Variants in CDH12 observed in about 807,000 individuals in gnomAD.
CDH12 encodes the protein cadherin-12.
A neutral mutation model predicts 74.1 loss-of-function variants in CDH12; 41 were observed. The ratio of observed to expected loss-of-function variants is 0.55; its 90% CI spans 0.43 to 0.72. The LOEUF is 0.72. CDH12 is among the 30% of genes least tolerant of loss of function. The probability of loss-of-function intolerance (pLI) is 0.00; values close to 1 mark genes in which losing one functional copy is unlikely to be tolerated. For missense variants in CDH12, 945 were observed against 977.2 expected (o/e 0.97, Z 0.44); for synonymous variants, 399 against 355.0 (o/e 1.12, Z -1.39).
intron 4 of CDH12, among the ~76,000 whole-genome samples, chr5:22,174,136 G>A (rs1749201702): frequency 6.6e-6 from 1 of 151,890 alleles, no homozygotes; most frequent in Non-Finnish European, 1.5e-5. Context: ...TAGATGACAA[G>A]GTTGATGTAA....
At chr5:22,404,516 T>C (rs950733094) in intron 3 of CDH12, among the ~76,000 whole-genome samples, 4 of 152,194 alleles carry the variant, frequency 2.6e-5, no homozygotes, top group Admixed American at 6.6e-5. Context: ...AAGAAGGATA[T>C]TAATGTGTAG....
At chr5:22,057,464 A>T (rs1017298937) in intron 5 of CDH12, among the ~76,000 whole-genome samples, 1 of 152,132 alleles carries the variant, frequency 6.6e-6, no homozygotes, top group African/African-American at 2.4e-5. Context: ...GGAAAAAAAA[A>T]ATATGTGTGA....
chr5:22,593,012 A>C (rs908539535), intron 1 of CDH12, among the ~76,000 whole-genome samples: 2 of 147,634 alleles, frequency 1.4e-5, no homozygotes, highest in Non-Finnish European at 3.0e-5. Flanking sequence ...CCTGAGTGAC[A>C]GAGAGAGACT....
intron 3 of CDH12, among the ~76,000 whole-genome samples, chr5:22,224,270 C>T (rs1752117063): frequency 6.6e-6 from 1 of 151,900 alleles, no homozygotes; most frequent in East Asian, 1.9e-4. Context: ...CACATTATTT[C>T]CTTTGAGAAT....
intron 4 of CDH12, among the ~76,000 whole-genome samples, chr5:22,184,172 T>C (rs1749802195): frequency 6.6e-6 from 1 of 152,128 alleles, no homozygotes; most frequent in Admixed American, 6.5e-5. Context: ...ATGGCTACTC[T>C]TAAGACTGTA....
intron 4 of CDH12, among the ~76,000 whole-genome samples, chr5:22,098,855 A>T (rs933380100): frequency 6.6e-6 from 1 of 151,952 alleles, no homozygotes; most frequent in Non-Finnish European, 1.5e-5. Flanking sequence ...TAATCGCCAC[A>T]CACCAGCAAA....
chr5:21,784,936 G>A (rs143726498), intron 10 of CDH12, among the ~76,000 whole-genome samples: 8 of 152,108 alleles, frequency 5.3e-5, no homozygotes, highest in African/African-American at 1.9e-4. Context: ...TCACTGTATC[G>A]TACTTCACTC....
At chr5:22,281,125 C>T (rs1398709075) in intron 3 of CDH12, among the ~76,000 whole-genome samples, 6 of 152,224 alleles carry the variant, frequency 3.9e-5, no homozygotes, top group Non-Finnish European at 4.4e-5. Context: ...ACAAAAAGCA[C>T]ATGATTATTT....
chr5:22,757,173 A>G (rs1390070347), intron 1 of CDH12, among the ~76,000 whole-genome samples: 2 of 152,084 alleles, frequency 1.3e-5, no homozygotes, highest in Non-Finnish European at 2.9e-5. Context: ...TTCTTCCTGT[A>G]GATGTAGATA....
chr5:22,301,068 ATTG>A (rs1737861302), intron 3 of CDH12, among the ~76,000 whole-genome samples: 3 of 151,248 alleles, frequency 2.0e-5, no homozygotes, highest in African/African-American at 7.3e-5. Context: ...GGTATTAAAA[ATTG>A]TGTGGATTTT....
intron 6 of CDH12, among the ~76,000 whole-genome samples, chr5:21,886,679 A>G (rs1215225099): frequency 2.0e-5 from 3 of 150,962 alleles, no homozygotes; most frequent in Non-Finnish European, 4.4e-5. Context: ...AATATTACAC[A>G]TAAGCACTTA....
intron 6 of CDH12, among the ~76,000 whole-genome samples, chr5:21,938,217 G>A (rs1304941042): frequency 6.6e-6 from 1 of 151,802 alleles, no homozygotes; most frequent in African/African-American, 2.4e-5. Context: ...AGCTCCTGAT[G>A]GCTGGGGATA....
intron 5 of CDH12, among the ~76,000 whole-genome samples, chr5:22,036,811 C>T (rs1739221006): frequency 6.6e-6 from 1 of 152,114 alleles, no homozygotes. Context: ...ACTAAACTAG[C>T]ATTTCCCAGA....
At chr5:22,124,437 T>TA (rs1745722155) in intron 4 of CDH12, among the ~76,000 whole-genome samples, 3 of 152,152 alleles carry the variant, frequency 2.0e-5, no homozygotes, top group Non-Finnish European at 4.4e-5. Flanking sequence ...CTTATTTTTT[T>TA]CAAAACCAGC....
intron 4 of CDH12, among the ~76,000 whole-genome samples, chr5:22,088,494 C>A (rs1185825919): frequency 6.6e-6 from 1 of 152,220 alleles, no homozygotes; most frequent in South Asian, 2.1e-4. Flanking sequence ...ATCCCTATCA[C>A]CACCACCACT....
intron 1 of CDH12, among the ~76,000 whole-genome samples, chr5:22,612,281 G>A (rs372211310): frequency 1.3e-5 from 2 of 152,038 alleles, no homozygotes; most frequent in East Asian, 1.9e-4. Flanking sequence ...TCTTTATACA[G>A]GTTAACACTT....
At chr5:22,790,857 G>A (rs1299824377) in intron 1 of CDH12, among the ~76,000 whole-genome samples, 6 of 152,192 alleles carry the variant, frequency 3.9e-5, no homozygotes, top group African/African-American at 9.6e-5. Context: ...TCATGGCATC[G>A]TGGTTGGCAC....
intron 4 of CDH12, among the ~76,000 whole-genome samples, chr5:22,091,197 G>GTATATATATATA (rs144921991): frequency 7.6e-6 from 1 of 132,230 alleles, no homozygotes; most frequent in Non-Finnish European, 1.6e-5. Flanking sequence ...GTGTGTGTGT[G>GTATATATATATA]TATATATATA....
intron 3 of CDH12, among the ~76,000 whole-genome samples, chr5:22,267,571 T>G (rs1214063659): frequency 6.6e-6 from 1 of 152,188 alleles, no homozygotes; most frequent in Admixed American, 6.6e-5. Context: ...CAAAGGTATG[T>G]ACTTCTGGAA....
Sources: allele counts gnomAD v4.1 joint callset (sites outside exome capture counted in the v4.1 genomes callset), GRCh38; gene constraint gnomAD v4.1.1; transcripts MANE v1.5; gene names NCBI Gene and HGNC (gene_info 2026-07-23, HGNC 2026-07-21).